Variants in SURF1 observed in about 807,000 individuals in gnomAD.
SURF1 encodes surfeit locus protein 1.
A neutral mutation model predicts 34.1 loss-of-function variants in SURF1; 45 were observed. The ratio of observed to expected loss-of-function variants is 1.32; its 90% CI spans 1.04 to 1.69. The LOEUF is 1.69. Ranked by LOEUF, SURF1 falls within the 40% of genes most tolerant of loss-of-function variation. The probability of loss-of-function intolerance (pLI) is 0.00; values close to 1 mark genes in which losing one functional copy is unlikely to be tolerated. For synonymous variants in SURF1, 188 were observed against 147.5 expected, an observed-to-expected ratio of 1.27 and a Z score of -1.99; for missense variants, 456 against 384.6, an observed-to-expected ratio of 1.19 and a Z score of -1.55.
In SURF1 at chr9:133,354,099, A is replaced by C. The variant is rs1836507292; in HGVS notation, c.324-159T>G. 14 of 787,048 alleles carry C rather than the reference A, an allele frequency of 1.8e-5. No individual in the cohort carries two copies. The East Asian group carries it at 3.7e-4, about 21-fold the overall frequency. The allele number at this position is 787,048 out of a possible 1,614,324, so 48.8% of individuals were successfully genotyped here. A position where few individuals can be genotyped will look rare whatever the true frequency, so the allele number is the denominator to read the frequency against. On this transcript the variant is annotated intron_variant, in intron 4 of 8. Coordinates refer to ENST00000371974, the MANE Select transcript of SURF1 (RefSeq NM_003172.4). Reference sequence around the variant, plus strand: ...ACTTTGATGCCATGTGGGAATGTGGATCTGCACTGCCAGAGTCCAACTTTA... The same window carrying C: ...ACTTTGATGCCATGTGGGAATGTGGCTCTGCACTGCCAGAGTCCAACTTTA...
In SURF1 at chr9:133,354,900, T is replaced by G; in HGVS notation, c.164A>C (p.Lys55Thr). ...CTGAAGAAAGGAGTCATCTTCCGCTTTTGTGGCAGATGCTTCTGCTGCAGA... is the reference window on the plus strand; with the variant it reads ...CTGAAGAAAGGAGTCATCTTCCGCTGTTGTGGCAGATGCTTCTGCTGCAGA... ...GSSAAEASAT[K>T]AEDDSFLQWV... Residue 55 changes from lysine to threonine, a missense_variant, in exon 3 of 9, where the codon AAA becomes ACA. Transcript: ENST00000371974. 6.2e-7 allele frequency: 1 copy of G among 1,613,990 alleles called. No individual in the cohort carries two copies. The highest frequency in any genetic ancestry group is 8.5e-7 in the Non-Finnish European group (1 of 1,180,030).
intron 2 of SURF1, among the ~76,000 whole-genome samples, chr9:133,355,195 C>T (rs2130020886): frequency 6.6e-6 from 1 of 152,326 alleles, no homozygotes; most frequent in Admixed American, 6.5e-5. Flanking sequence ...CCAACCACGA[C>T]CCTGAGTAAC....
chr9:133,352,172 C>G (rs2130005360), intron 7 of SURF1, 30 bp from the exon 8 acceptor site: 10 of 1,565,270 alleles, frequency 6.4e-6, no homozygotes, highest in East Asian at 4.7e-5. Flanking sequence ...AAGTCCACCC[C>G]CTACTGGCCT....
chr9:133,354,959 TG>T lies in SURF1; in HGVS notation c.107-3del. On this transcript the variant is annotated splice_region_variant and splice_polypyrimidine_tract_variant and intron_variant, in intron 2 of 8. Coordinates refer to ENST00000371974, the MANE Select transcript of SURF1 (RefSeq NM_003172.4). ...ATCTGCTTGGCCTCCAGGCCACCCC[TG>T]GAGAGTTTCACAACACTGACATGGA... is the stretch of plus-strand genomic sequence containing the variant. 6.2e-7 allele frequency: 1 copy of T among 1,613,118 alleles called. No individual in the cohort carries two copies. Among genetic ancestry groups the T allele is most frequent in the East Asian group, 2.2e-5 (1 of 44,876 alleles).
At position 133,354,646 on chromosome 9, in the gene SURF1, G is replaced by A; in HGVS notation, c.323+13C>T. Reference sequence around the variant, plus strand: ...AAGTAAAACAGGCCCTAGGGGGGCAGCCATGCACTCACTCGGCTGGCAGAG... The same window carrying A: ...AAGTAAAACAGGCCCTAGGGGGGCAACCATGCACTCACTCGGCTGGCAGAG... On this transcript the variant is annotated intron_variant, in intron 4 of 8. Coordinates refer to ENST00000371974, the MANE Select transcript of SURF1 (RefSeq NM_003172.4). 1 of 1,612,322 alleles carries A rather than the reference G, an allele frequency of 6.2e-7. No individual in the cohort carries two copies. The highest frequency in any genetic ancestry group is 8.5e-7 in the Non-Finnish European group (1 of 1,180,010).
intron 4 of SURF1, among the ~76,000 whole-genome samples, chr9:133,354,432 CAAAAT>C (rs2130017102): frequency 3.9e-5 from 6 of 152,128 alleles, no homozygotes; most frequent in African/African-American, 1.4e-4. Context: ...ACCCAGGACT[CAAAAT>C]AAGACTTTCC....
In SURF1 at chr9:133,354,810, A is replaced by G; in HGVS notation, c.240+14T>C. The G allele has an allele frequency of 3.7e-6, 6 of 1,613,732 alleles. No homozygotes were observed. The highest frequency in any genetic ancestry group is 5.1e-6 in the Non-Finnish European group (6 of 1,180,004). ...AAGGGCCCAGAGTTACGCACACCAGATGCCGGTCTTTACCTGCCATGTCCC... is the reference window on the plus strand; with the variant it reads ...AAGGGCCCAGAGTTACGCACACCAGGTGCCGGTCTTTACCTGCCATGTCCC... On this transcript the variant is annotated intron_variant, in intron 3 of 8. Coordinates refer to ENST00000371974, the MANE Select transcript of SURF1 (RefSeq NM_003172.4).
Position 133,354,732 on chromosome 9 carries a change from G to T in SURF1, c.250C>A (p.Arg84=), listed in dbSNP as rs2130018127. The T allele has an allele frequency of 6.2e-7, 1 of 1,613,502 alleles. No homozygotes were observed. The highest frequency in any genetic ancestry group is 1.3e-5 in the African/African-American group (1 of 74,882). The part of the protein sequence containing the change: ...FGLGTWQVQR[R]KWKLNLIAEL... ...GCAATCAGGTTCAGCTTCCACTTCC[G>T]ACGCTGGACCTACAGTGACAGAGCA... The change falls in exon 4 of 9, where the codon CGG becomes AGG. Residue 84 remains arginine, a synonymous_variant. Coordinates refer to ENST00000371974, the MANE Select transcript of SURF1 (RefSeq NM_003172.4).
In SURF1 at chr9:133,353,756, C is replaced by G; in HGVS notation, c.508G>C (p.Asp170His). Residue 170 changes from aspartate to histidine, a missense_variant, in exon 5 of 9, where the codon GAC becomes CAC. Coordinates refer to ENST00000371974, the MANE Select transcript of SURF1 (RefSeq NM_003172.4). ...AYVVTPFHCT[D>H]LGVTILVNRG... ...CCCACATGTCCTACTCACCCCAGGT[C>G]GGTGCAGTGGAAGGGAGTGACCACA... 6.2e-7 allele frequency: 1 copy of G among 1,613,800 alleles called. No homozygotes were observed. Among genetic ancestry groups the G allele is most frequent in the Non-Finnish European group, 8.5e-7 (1 of 1,180,030 alleles).
At position 133,351,947 on chromosome 9, in the gene SURF1, A is replaced by C. The variant is rs1836422859; in HGVS notation, c.869T>G (p.Phe290Cys). ...GLSAATSYLW[F>C]KKFLRGTPGV ...AGGTGTCCCACGTAGGAATTTCTTAAACCACAGGTAGGATGTAGCTGCAGA... is the reference window on the plus strand; with the variant it reads ...AGGTGTCCCACGTAGGAATTTCTTACACCACAGGTAGGATGTAGCTGCAGA... The change falls in exon 9 of 9, where the codon TTT (phenylalanine) becomes TGT (cysteine). Residue 290 changes from phenylalanine to cysteine, a missense_variant. By Grantham distance (205) the Phe-to-Cys change is radical. Transcript: ENST00000371974. 7 of 1,613,916 alleles carry C rather than the reference A, an allele frequency of 4.3e-6. No homozygotes were observed. The East Asian group carries it at 1.3e-4, about 31-fold the overall frequency.
At position 133,351,810 on chromosome 9, in the gene SURF1, T is replaced by G. The variant is rs1836416570; in HGVS notation, c.*103A>C. ...ATGATGAACCAGTCATGAGCTCATT[T>G]AAGGTAGAAGGCCAGAACTTTATAC... is the stretch of plus-strand genomic sequence containing the variant. On this transcript the variant is annotated 3_prime_UTR_variant, in exon 9 of 9. Transcript: ENST00000371974. 3.8e-6 allele frequency: 5 copies of G among 1,314,628 alleles called. No individual in the cohort carries two copies. Among genetic ancestry groups the G allele is most frequent in the Admixed American group, 2.0e-5 (1 of 50,852 alleles). 81.4% of individuals were successfully genotyped at this position (1,314,628 alleles called of 1,614,324 possible). A position where few individuals can be genotyped will look rare whatever the true frequency, so the allele number is the denominator to read the frequency against.
At position 133,352,707 on chromosome 9, in the gene SURF1, C is replaced by T. The variant is rs2130009392; in HGVS notation, c.575G>A (p.Arg192Gln). ...VPRKKVNPET[R>Q]QKGQIEGEVD... is the part of the protein sequence containing the mutation. The stretch of plus-strand genomic sequence containing the variant: ...CATGTCCCTTACCTGGCCTTTCTGC[C>T]GGGTTTCAGGATTCACTTTCTTCCT... Residue 192 changes from arginine (R) to glutamine (Q), a missense_variant, in exon 6 of 9, where the codon CGG (arginine) becomes CAG (glutamine). Transcript: ENST00000371974. The T allele has an allele frequency of 1.1e-5, 17 of 1,613,318 alleles. No homozygotes were observed. Among genetic ancestry groups the T allele is most frequent in the Admixed American group, 1.7e-5 (1 of 59,934 alleles).
At chr9:133,352,232 T>TG in intron 7 of SURF1, 90 bp from the exon 8 acceptor site, 1 of 1,419,006 alleles carries the variant, frequency 7.0e-7, no homozygotes, top group South Asian at 1.2e-5. Context: ...CGTGGCCAGT[T>TG]GGAAGTCCTG....
At chr9:133,355,217 T>G (rs2130020929) in intron 2 of SURF1, among the ~76,000 whole-genome samples, 40 of 152,210 alleles carry the variant, frequency 2.6e-4, no homozygotes, top group Admixed American at 6.5e-4. Flanking sequence ...CATGCCTTTT[T>G]ACTCAAGAAT....
Position 133,356,429 on chromosome 9 carries a change from G to A in SURF1, c.25C>T (p.Leu9=), listed in dbSNP as rs1836590542. ...CCCAGCCCCGCCGCCCGCAGCCCCAGCTGCAACGCAGCCACCGCCGCCATC... is the reference window on the plus strand; with the variant it reads ...CCCAGCCCCGCCGCCCGCAGCCCCAACTGCAACGCAGCCACCGCCGCCATC... MAAVAALQ[L]GLRAAGLGRA... is the part of the protein sequence containing the mutation. Residue 9 remains leucine (L), a synonymous_variant, in exon 1 of 9, where the codon CTG becomes TTG. Coordinates refer to ENST00000371974, the MANE Select transcript of SURF1 (RefSeq NM_003172.4). The A allele has an allele frequency of 4.3e-6, 6 of 1,403,506 alleles. No homozygotes were observed. The highest frequency in any genetic ancestry group is 3.1e-5 in the East Asian group (1 of 31,994). The allele number at this position is 1,403,506 out of a possible 1,614,324, so 86.9% of individuals were successfully genotyped here.
At chr9:133,352,821 C>T in intron 5 of SURF1, 55 bp from the exon 6 acceptor site, 1 of 1,531,350 alleles carries the variant, frequency 6.5e-7, no homozygotes, top group Non-Finnish European at 8.9e-7. Context: ...TAAAGACAGT[C>T]ACTCATGGTC....
rs2130006893 is a variant in SURF1, at chr9:133,352,442, G to A, written c.751+4C>T. 126 of 1,614,112 alleles carry A rather than the reference G, an allele frequency of 7.8e-5. No individual in the cohort carries two copies. The highest frequency in any genetic ancestry group is 6.9e-4 in the South Asian group (63 of 91,088). On this transcript the variant is annotated splice_donor_region_variant and intron_variant, in intron 7 of 8. Transcript: ENST00000371974. ...GTTCCGAGATGGGCTGGTCCACAACGTACGGAAGTTGGCATCAATGAAGAT... is the reference window on the plus strand; with the variant it reads ...GTTCCGAGATGGGCTGGTCCACAACATACGGAAGTTGGCATCAATGAAGAT...
rs2130005680 is a variant in SURF1 at position 133,352,215 on chromosome 9, A to G, written c.752-73T>C. On this transcript the variant is annotated intron_variant, in intron 7 of 8. Coordinates refer to ENST00000371974, the MANE Select transcript of SURF1 (RefSeq NM_003172.4). ...TCTGCACCACTTCCTAGTGGCTGTC[A>G]TTTTTGCGTGGCCAGTTGGAAGTCC... The G allele has an allele frequency of 1.9e-5, 28 of 1,486,940 alleles. No homozygotes were observed. The African/African-American group carries it at 3.9e-4, about 21-fold the overall frequency. The allele number at this position is 1,486,940 out of a possible 1,614,324, so 92.1% of individuals were successfully genotyped here.
chr9:133,353,596 G>A (rs1233618822), intron 5 of SURF1, among the ~76,000 whole-genome samples, 153 bp downstream of exon 5: 1 of 152,250 alleles, frequency 6.6e-6, no homozygotes, highest in African/African-American at 2.4e-5. Flanking sequence ...GTCACAATTA[G>A]GGACTTAAAC....
Sources: allele counts gnomAD v4.1 joint callset (sites outside exome capture counted in the v4.1 genomes callset), GRCh38; gene constraint gnomAD v4.1.1; transcripts MANE v1.5; gene names NCBI Gene and HGNC (gene_info 2026-07-23, HGNC 2026-07-21).